The following QRICH2 variants were observed in gnomAD, a reference collection of about 807,000 sequenced individuals.
QRICH2 encodes the protein glutamine rich 2.
In QRICH2, 119 loss-of-function variants were observed where a neutral mutation model predicts 168.3. The ratio of observed to expected loss-of-function variants is 0.71; its 90% confidence interval spans 0.61 to 0.82. The LOEUF is 0.82. Ranked by LOEUF, QRICH2 falls within the 40% of genes least tolerant of loss-of-function variation. The probability of loss-of-function intolerance (pLI) is 0.00; values close to 1 mark genes in which losing one functional copy is unlikely to be tolerated. For synonymous variants in QRICH2, 894 were observed against 951.2 expected, an observed-to-expected ratio of 0.94 and a Z score of 1.11; for missense variants, 2,241 against 2,491.6, an observed-to-expected ratio of 0.90 and a Z score of 2.14.
Position 76,307,855 on chromosome 17 carries a change from G to A in QRICH2, c.144C>T (p.Ile48=). Residue 48 remains isoleucine (I), a synonymous_variant, in exon 1 of 19, where the codon ATC becomes ATT. Transcript: ENST00000680821. This position sits in a 1 kb window ranked among gnomAD's most constrained non-coding sequence, Gnocchi z 5.3. The part of the protein sequence containing the change: ...LKNLDLQNTR[I]DFQPSSPEPS... ...GCTCGGGCGACGAGGGCTGGAAGTC[G>A]ATCCGGGTATTTTGGAGGTCGAGGT... The A allele has an allele frequency of 7.8e-7, 1 of 1,277,236 alleles. No individual in the cohort carries two copies. The highest frequency in any genetic ancestry group is 9.9e-7 in the Non-Finnish European group (1 of 1,013,914). 79.1% of individuals were successfully genotyped at this position (1,277,236 alleles called of 1,614,324 possible). A position where few individuals can be genotyped will look rare whatever the true frequency, so the allele number is the denominator to read the frequency against.
At position 76,279,544 on chromosome 17, in the gene QRICH2, G is replaced by A. The variant is rs545349285; in HGVS notation, c.4749-116C>T. On this transcript the variant is annotated intron_variant, in intron 12 of 18. Coordinates refer to ENST00000680821, the MANE Select transcript of QRICH2 (RefSeq NM_001388453.1). ...CCACCAGGGTGCAGATCATGTCCCT[G>A]CTCCCCAGGAATCCATCTGCTCCCA... 5.3e-6 allele frequency: 4 copies of A among 757,064 alleles called. No homozygotes were observed. In the East Asian group the frequency reaches 1.1e-4, roughly 20 times the overall value. The allele number at this position is 757,064 out of a possible 1,614,324, so 46.9% of individuals were successfully genotyped here.
chr17:76,289,086 A>G (rs1439352849), intron 5 of QRICH2, among the ~76,000 whole-genome samples: 1 of 150,532 alleles, frequency 6.6e-6, no homozygotes, highest in African/African-American at 2.5e-5. Flanking sequence ...CCTTGGCGAC[A>G]GAGTGAGACT....
At chr17:76,304,084 A>G (rs1317205774) in intron 3 of QRICH2, among the ~76,000 whole-genome samples, 1 of 152,114 alleles carries the variant, frequency 6.6e-6, no homozygotes, top group East Asian at 1.9e-4. Context: ...AGCTAAAAAA[A>G]TTGGGTACCA....
At chr17:76,298,397 T>A (rs1426097625) in intron 3 of QRICH2, among the ~76,000 whole-genome samples, 1 of 150,590 alleles carries the variant, frequency 6.6e-6, no homozygotes, top group Non-Finnish European at 1.5e-5. Context: ...GCCAGGATGG[T>A]CTTGATCTCC....
intron 3 of QRICH2, among the ~76,000 whole-genome samples, chr17:76,303,781 G>A (rs574784914): frequency 6.6e-6 from 1 of 150,802 alleles, no homozygotes; most frequent in South Asian, 2.1e-4. Flanking sequence ...GCTGAGACAG[G>A]AGAATGGCGT....
chr17:76,304,948 G>A lies in QRICH2; in HGVS notation c.535-7C>T. The stretch of plus-strand genomic sequence containing the variant: ...CAACCCGCTGTAAAAGTACCTGGAA[G>A]AAGAGTTCAGGAAAGGAGAATGACA... On this transcript the variant is annotated splice_region_variant and splice_polypyrimidine_tract_variant and intron_variant, in intron 1 of 18. Coordinates refer to ENST00000680821, the MANE Select transcript of QRICH2 (RefSeq NM_001388453.1). 4 of 1,610,258 alleles carry A rather than the reference G, an allele frequency of 2.5e-6. No homozygotes were observed. Among genetic ancestry groups the A allele is most frequent in the Non-Finnish European group, 3.4e-6 (4 of 1,176,626 alleles).
intron 3 of QRICH2, among the ~76,000 whole-genome samples, chr17:76,303,942 G>C (rs1266624808): frequency 6.6e-6 from 1 of 150,810 alleles, no homozygotes; most frequent in East Asian, 1.9e-4. Context: ...TCCAGGGTCT[G>C]TCACCATGGT....
chr17:76,283,728 T>G (rs57879453), intron 7 of QRICH2, among the ~76,000 whole-genome samples: 2 of 142,570 alleles, frequency 1.4e-5, no homozygotes, highest in South Asian at 4.2e-4. Flanking sequence ...ACAAAAATTA[T>G]CCAGGTGTGC....
At chr17:76,286,394 T>C (rs1419411730) in intron 7 of QRICH2, among the ~76,000 whole-genome samples, 1 of 152,182 alleles carries the variant, frequency 6.6e-6, no homozygotes, top group Non-Finnish European at 1.5e-5. Context: ...AGAAGCCAGA[T>C]ACAAAAGTGT....
intron 14 of QRICH2, among the ~76,000 whole-genome samples, chr17:76,278,574 G>T (rs749731378): frequency 1.3e-5 from 2 of 152,236 alleles, no homozygotes; most frequent in African/African-American, 2.4e-5. Flanking sequence ...TTAGGAGAAG[G>T]GGAGCAGCAG....
intron 4 of QRICH2, 109 bp from the exon 5 acceptor site, chr17:76,290,186 C>T: frequency 1.4e-6 from 1 of 730,360 alleles, no homozygotes; most frequent in South Asian, 1.5e-5. Context: ...ACAGCAGGAC[C>T]TATTACTTTA....
upstream of QRICH2, chr17:76,310,114 C>G (rs543271079): frequency 2.0e-5 from 3 of 152,138 alleles, no homozygotes; most frequent in African/African-American, 7.2e-5. Flanking sequence ...CTCAGCCTCC[C>G]GAGTAGCTGG....
rs146550737 is a variant in QRICH2, at chr17:76,280,347, G to T, written c.4566C>A (p.Ser1522Arg). The T allele has an allele frequency of 6.2e-7, 1 of 1,614,038 alleles. No homozygotes were observed. The highest frequency in any genetic ancestry group is 1.3e-5 in the African/African-American group (1 of 74,918). Residue 1522 changes from serine to arginine, a missense_variant, in exon 11 of 19, where the codon AGC becomes AGA. Ser to Arg is a moderately radical substitution (Grantham distance 110). Around this residue, in one of 3 missense-constraint regions of QRICH2, gnomAD observed 2,047 missense variants for 2,303.8 expected, o/e 0.89. Transcript: ENST00000680821. This position sits in a 1 kb window ranked among gnomAD's most constrained non-coding sequence, Gnocchi z 7.4. ...TCTTCTGCCAGTCCTGCTCCTGCCC[G>T]CTCATCTTGGCCACCAGCTCCTGCA... ...HMMQELVAKM[S>R]GQEQDWQKML...
intron 3 of QRICH2, among the ~76,000 whole-genome samples, chr17:76,294,452 G>A (rs775448158): frequency 2.0e-5 from 3 of 151,826 alleles, no homozygotes; most frequent in Admixed American, 6.6e-5. Flanking sequence ...ACACACTGAC[G>A]TTCTGGGAGG....
chr17:76,280,782 G>T lies in QRICH2; in HGVS notation c.4386+49C>A, dbSNP rs550435872. Reference sequence around the variant, plus strand: ...AAGAGCCAGCAGCTGCGGGGCTAGGGCACCACATTGAGCCCCGGCCCCATC... The same window carrying T: ...AAGAGCCAGCAGCTGCGGGGCTAGGTCACCACATTGAGCCCCGGCCCCATC... On this transcript the variant is annotated intron_variant, in intron 9 of 18. Coordinates refer to ENST00000680821, the MANE Select transcript of QRICH2 (RefSeq NM_001388453.1). The surrounding 1 kb of genome is among the most constrained non-coding windows in gnomAD (Gnocchi z 7.4). The T allele has an allele frequency of 1.2e-6, 2 of 1,613,844 alleles. No homozygotes were observed. Among genetic ancestry groups the T allele is most frequent in the East Asian group, 2.2e-5 (1 of 44,896 alleles).
intron 18 of QRICH2, 114 bp downstream of exon 18, chr17:76,275,705 C>A: frequency 5.9e-6 from 8 of 1,346,896 alleles, no homozygotes; most frequent in Non-Finnish European, 7.9e-6. Flanking sequence ...TCCCCCCCTT[C>A]GGCTCCCAGG....
At chr17:76,278,370 G>C (rs910575752) in intron 14 of QRICH2, among the ~76,000 whole-genome samples, 181 bp from the exon 15 acceptor site, 1 of 152,234 alleles carries the variant, frequency 6.6e-6, no homozygotes, top group Non-Finnish European at 1.5e-5. Context: ...CAGACTTGCC[G>C]GGAAGGCTTT....
chr17:76,286,043 C>T (rs960728020), intron 7 of QRICH2, among the ~76,000 whole-genome samples: 3 of 151,950 alleles, frequency 2.0e-5, no homozygotes, highest in Non-Finnish European at 2.9e-5. Flanking sequence ...GGCGTGGTGG[C>T]AGGTGCCTGT....
rs866225327 is a variant in QRICH2 at position 76,292,824 on chromosome 17, T to C, written c.1903A>G (p.Arg635Gly). The C allele has an allele frequency of 6.2e-7, 1 of 1,606,634 alleles. No individual in the cohort carries two copies. The highest frequency in any genetic ancestry group is 8.5e-7 in the Non-Finnish European group (1 of 1,177,804). ...MDQSGLAQPG[R>G]DQHGLIQPGT... ...GGCTGGATCAAACCATGCTGATCTCTACCAGGTTGGGCCAAACCAGACTGA... is the reference window on the plus strand; with the variant it reads ...GGCTGGATCAAACCATGCTGATCTCCACCAGGTTGGGCCAAACCAGACTGA... Residue 635 changes from arginine (R) to glycine (G), a missense_variant, in exon 4 of 19, where the codon AGA becomes GGA. Physicochemically the swap from Arg to Gly is moderately radical, Grantham distance 125. Around this residue, in one of 3 missense-constraint regions of QRICH2, gnomAD observed 2,047 missense variants for 2,303.8 expected, o/e 0.89. Coordinates refer to ENST00000680821, the MANE Select transcript of QRICH2 (RefSeq NM_001388453.1).
Sources: gnomAD v4.1 joint callset for allele counts (sites outside exome capture counted in the v4.1 genomes callset) on GRCh38, gnomAD v4.1.1 for gene constraint, gnomAD v4.1.1 regional missense constraint, Gnocchi (gnomAD v3.1) non-coding constraint, MANE v1.5 for transcripts, NCBI Gene and HGNC (gene_info 2026-07-23, HGNC 2026-07-21) for gene names.